Variants in TRAF6 observed in about 807,000 individuals in gnomAD.
TRAF6 encodes the protein TNF receptor associated factor 6, also known as TNF receptor-associated factor 6.
TRAF6 carries 10 observed loss-of-function variants against 48.4 expected under a neutral mutation model. The observed-to-expected ratio is 0.21, with a 90% CI of 0.13 to 0.35. TRAF6 has a LOEUF of 0.35. TRAF6 is among the 10% of genes least tolerant of loss of function. The probability of loss-of-function intolerance (pLI) is 1.00; values close to 1 mark genes in which losing one functional copy is unlikely to be tolerated. For missense variants in TRAF6, 397 were observed against 661.0 expected, an observed-to-expected ratio of 0.60 and a Z score of 4.38; for synonymous variants, 186 against 219.6, an observed-to-expected ratio of 0.85 and a Z score of 1.35.
intron 2 of TRAF6, among the ~76,000 whole-genome samples, chr11:36,500,541 A>T (rs1770282979): frequency 6.6e-6 from 1 of 152,166 alleles, no homozygotes; most frequent in Non-Finnish European, 1.5e-5. Context: ...ACCCTGCTAC[A>T]ATGGTCTGAG....
rs1268108138 is a variant in TRAF6 at position 36,488,078 on chromosome 11, T to C, written c.*1760A>G. On this transcript the variant is annotated 3_prime_UTR_variant, in exon 7 of 7. Coordinates refer to ENST00000526995, the MANE Select transcript of TRAF6 (RefSeq NM_004620.4). ...GAACTTGACAATTATTTATTCATTG[T>C]AAAATAATCACAGGAACAGCAGCAG... The C allele has an allele frequency of 6.6e-6, 1 of 152,218 alleles. No individual in the cohort carries two copies. The highest frequency in any genetic ancestry group is 2.4e-5 in the African/African-American group (1 of 41,450). 9.4% of individuals were successfully genotyped at this position (152,218 alleles called of 1,614,324 possible).
At chr11:36,499,004 T>A (rs1217171778) in intron 2 of TRAF6, among the ~76,000 whole-genome samples, 4 of 152,204 alleles carry the variant, frequency 2.6e-5, no homozygotes, top group Admixed American at 2.6e-4. Context: ...ACCTATATAA[T>A]ACACTAGAAA....
intron 1 of TRAF6, among the ~76,000 whole-genome samples, chr11:36,506,791 C>T (rs496289): frequency 0.97 from 147,926 of 152,326 alleles, 71,953 homozygotes; most frequent in Non-Finnish European, 1. Context: ...TTACTTTCCA[C>T]GCTTTAAGAT....
At position 36,483,794 on chromosome 11, in the gene TRAF6, TGAA is replaced by T. The variant is rs943569725; in HGVS notation, c.*6041_*6043del. ...TTTTAATATATATATTTCATTTTAATGAAGAGTGCTTTCTTGTAGACATTGATG... is the reference window on the plus strand; with the variant it reads ...TTTTAATATATATATTTCATTTTAATGAGTGCTTTCTTGTAGACATTGATG... On this transcript the variant is annotated 3_prime_UTR_variant, in exon 7 of 7. Coordinates refer to ENST00000526995, the MANE Select transcript of TRAF6 (RefSeq NM_004620.4). 6.6e-6 allele frequency among the ~76,000 whole-genome samples: 1 copy of T among 152,196 alleles called. No homozygotes were observed. Among genetic ancestry groups the T allele is most frequent in the African/African-American group, 2.4e-5 (1 of 41,442 alleles).
rs1413097206 is a variant in TRAF6, at chr11:36,485,993, CA to C, written c.*3844del. Among the ~76,000 whole-genome samples, 1 of 152,062 alleles carries C rather than the reference CA, an allele frequency of 6.6e-6. No individual in the cohort carries two copies. The highest frequency in any genetic ancestry group is 1.5e-5 in the Non-Finnish European group (1 of 68,018). On this transcript the variant is annotated 3_prime_UTR_variant, in exon 7 of 7. Coordinates refer to ENST00000526995, the MANE Select transcript of TRAF6 (RefSeq NM_004620.4). ...TCCTTTTCATTTCCTTAAGGCATTG[CA>C]CTGTTTAGGTTGTAAGCAACTAGGC...
intron 2 of TRAF6, among the ~76,000 whole-genome samples, chr11:36,499,912 T>C (rs1859693005): frequency 1.3e-5 from 2 of 152,248 alleles, no homozygotes; most frequent in South Asian, 4.1e-4. Context: ...TCCAATTTTT[T>C]GTCCTGTATA....
intron 3 of TRAF6, among the ~76,000 whole-genome samples, chr11:36,497,715 G>A (rs1227914382): frequency 6.6e-6 from 1 of 152,016 alleles, no homozygotes; most frequent in Non-Finnish European, 1.5e-5. Context: ...TAATCTGATT[G>A]TTTCTGTTAA....
chr11:36,489,697 ATAG>A lies in TRAF6; in HGVS notation c.*138_*140del. On this transcript the variant is annotated 3_prime_UTR_variant, in exon 7 of 7. Transcript: ENST00000526995. ...CTCAGATCATTTGTAACAGGAAGAAATAGTAAGTGACCTCTCTAACAACACTCA... is the reference window on the plus strand; with the variant it reads ...CTCAGATCATTTGTAACAGGAAGAAATAAGTGACCTCTCTAACAACACTCA... 1 of 930,592 alleles carries A rather than the reference ATAG, an allele frequency of 1.1e-6. No homozygotes were observed. The highest frequency in any genetic ancestry group is 1.6e-6 in the Non-Finnish European group (1 of 608,270). The allele number at this position is 930,592 out of a possible 1,614,324, so 57.6% of individuals were successfully genotyped here.
Position 36,488,110 on chromosome 11 carries a change from T to C in TRAF6, c.*1728A>G, listed in dbSNP as rs1460701766. ...ATCACAGGAACAGCAGCAGTGTAGG[T>C]TTCCCTACCTAGAGGGTGGTATGCA... On this transcript the variant is annotated 3_prime_UTR_variant, in exon 7 of 7. Coordinates refer to ENST00000526995, the MANE Select transcript of TRAF6 (RefSeq NM_004620.4). 6.6e-6 allele frequency: 1 copy of C among 152,134 alleles called. No homozygotes were observed. The highest frequency in any genetic ancestry group is 1.5e-5 in the Non-Finnish European group (1 of 68,038). The allele number at this position is 152,134 out of a possible 1,614,324, so 9.4% of individuals were successfully genotyped here.
chr11:36,507,796 T>C (rs1182308725), intron 1 of TRAF6, among the ~76,000 whole-genome samples: 1 of 144,352 alleles, frequency 6.9e-6, no homozygotes, highest in South Asian at 2.1e-4. Context: ...ATATATTATA[T>C]ATGTGTATAT....
intron 6 of TRAF6, 43 bp downstream of exon 6, chr11:36,492,504 ATTTT>A: frequency 7.2e-7 from 1 of 1,386,214 alleles, no homozygotes; most frequent in South Asian, 1.2e-5. Flanking sequence ...TGATGTAAAT[ATTTT>A]TTTTTACTTA....
intron 4 of TRAF6, among the ~76,000 whole-genome samples, chr11:36,495,888 A>T (rs1450534778): frequency 1.3e-5 from 2 of 152,068 alleles, no homozygotes; most frequent in Non-Finnish European, 1.5e-5. Context: ...GTGAAACTCC[A>T]TCTCCAAAAA....
At chr11:36,492,499 T>A (rs901567552) in intron 6 of TRAF6, 52 bp downstream of exon 6, 16 of 1,379,488 alleles carry the variant, frequency 1.2e-5, no homozygotes, top group Non-Finnish European at 1.6e-5. Context: ...CTACATGATG[T>A]AAATATTTTT....
At chr11:36,495,847 G>T (rs1165553917) in intron 4 of TRAF6, among the ~76,000 whole-genome samples, 1 of 151,950 alleles carries the variant, frequency 6.6e-6, no homozygotes, top group African/African-American at 2.4e-5. Context: ...AGCCGAGATT[G>T]CGCCATTGCA....
At position 36,490,158 on chromosome 11, in the gene TRAF6, C is replaced by T. The variant is rs1475820971; in HGVS notation, c.1249G>A (p.Glu417Lys). Residue 417 changes from glutamate to lysine, a missense_variant, in exon 7 of 7, where the codon GAA (glutamate) becomes AAA (lysine). Around this residue, in one of 4 missense-constraint regions of TRAF6, gnomAD observed 74 missense variants for 198.9 expected, o/e 0.37. Coordinates refer to ENST00000526995, the MANE Select transcript of TRAF6 (RefSeq NM_004620.4). The surrounding 1 kb of genome is among the most constrained non-coding windows in gnomAD (Gnocchi z 6.4). ...ISLFVHTMQG[E>K]YDSHLPWPFQ... ...GGCCAAGGGAGGTGGCTGTCATATT[C>T]TCCTTGCATTGTGTGGACAAAAAGG... 3.1e-6 allele frequency: 5 copies of T among 1,614,184 alleles called. No homozygotes were observed. Among genetic ancestry groups the T allele is most frequent in the South Asian group, 1.1e-5 (1 of 91,090 alleles).
At chr11:36,492,732 A>G in intron 5 of TRAF6, 104 bp from the exon 6 acceptor site, 1 of 860,404 alleles carries the variant, frequency 1.2e-6, no homozygotes, top group Non-Finnish European at 1.9e-6. Context: ...TTTGTACCAC[A>G]TTGGCAGTTG....
intron 1 of TRAF6, among the ~76,000 whole-genome samples, chr11:36,502,073 G>A (rs767014288): frequency 1.5e-4 from 23 of 152,174 alleles, no homozygotes; most frequent in Non-Finnish European, 2.8e-4. Flanking sequence ...TCAGTGCCAG[G>A]AAAAGCAGTA....
chr11:36,493,209 T>C (rs2133667249), intron 5 of TRAF6, among the ~76,000 whole-genome samples: 1 of 152,380 alleles, frequency 6.6e-6, no homozygotes, highest in South Asian at 2.1e-4. Context: ...ATTTTGGGAC[T>C]CTAAGACACA....
At position 36,487,599 on chromosome 11, in the gene TRAF6, T is replaced by A. The variant is rs1256179874; in HGVS notation, c.*2239A>T. On this transcript the variant is annotated 3_prime_UTR_variant, in exon 7 of 7. Transcript: ENST00000526995. Reference sequence around the variant, plus strand: ...TTCCTAAGTATTGTCATTGTTCTGCTGGTTGGAACTTAATTTGAGACAGAA... The same window carrying A: ...TTCCTAAGTATTGTCATTGTTCTGCAGGTTGGAACTTAATTTGAGACAGAA... 1.3e-5 allele frequency: 2 copies of A among 152,232 alleles called. No homozygotes were observed. The highest frequency in any genetic ancestry group is 4.8e-5 in the African/African-American group (2 of 41,470). 9.4% of individuals were successfully genotyped at this position (152,232 alleles called of 1,614,324 possible). A position where few individuals can be genotyped will look rare whatever the true frequency, so the allele number is the denominator to read the frequency against.
Sources: allele counts gnomAD v4.1 joint callset (sites outside exome capture counted in the v4.1 genomes callset), GRCh38; gene constraint gnomAD v4.1.1; regional missense constraint gnomAD v4.1.1; non-coding constraint Gnocchi (gnomAD v3.1); transcripts MANE v1.5; gene names NCBI Gene and HGNC (gene_info 2026-07-23, HGNC 2026-07-21).